ASCC3: variants seen among roughly 807,000 people sequenced by gnomAD.
ASCC3 encodes ASC-1 complex subunit P200.
A neutral mutation model predicts 256.3 loss-of-function variants in ASCC3; 158 were observed. That is an observed-to-expected ratio of 0.62 (90% CI 0.54 to 0.70). The LOEUF (loss-of-function observed/expected upper bound fraction) is 0.70, where lower values mean the gene tolerates loss of function less well. Ranked by LOEUF, ASCC3 falls within the 30% of genes least tolerant of loss-of-function variation. ASCC3 has a pLI of 0.00. For missense variants in ASCC3, 2,259 were observed against 2,626.0 expected (o/e 0.86, Z 3.05); for synonymous variants, 948 against 883.4 (o/e 1.07, Z -1.30).
At chr6:100,713,660 T>C (rs1377433792) in intron 13 of ASCC3, among the ~76,000 whole-genome samples, 1 of 152,128 alleles carries the variant, frequency 6.6e-6, no homozygotes. Flanking sequence ...AGGGAGCACA[T>C]GGAAACTCTA....
chr6:100,631,744 CA>C (rs1774556423), intron 25 of ASCC3, among the ~76,000 whole-genome samples: 1 of 151,534 alleles, frequency 6.6e-6, no homozygotes, highest in Non-Finnish European at 1.5e-5. Flanking sequence ...ATTCAGGTTT[CA>C]AAAAAATAAA....
chr6:100,679,356 G>A (rs1777177679), intron 14 of ASCC3, among the ~76,000 whole-genome samples: 1 of 152,018 alleles, frequency 6.6e-6, no homozygotes, highest in African/African-American at 2.4e-5. Context: ...AAATTTAACT[G>A]CATTTTATAT....
chr6:100,539,998 A>G (rs1440216805), intron 37 of ASCC3, among the ~76,000 whole-genome samples, 165 bp downstream of exon 37: 1 of 152,070 alleles, frequency 6.6e-6, no homozygotes, highest in East Asian at 1.9e-4. Context: ...TATTTCATTT[A>G]TATTTGCTTT....
intron 1 of ASCC3, among the ~76,000 whole-genome samples, chr6:100,869,060 G>A (rs902615331): frequency 3.3e-5 from 5 of 152,210 alleles, no homozygotes; most frequent in Admixed American, 3.3e-4. Flanking sequence ...CATAAGCTAT[G>A]TAAGTCTTTA....
intron 36 of ASCC3, among the ~76,000 whole-genome samples, chr6:100,580,937 T>C (rs1224076042): frequency 6.6e-6 from 1 of 152,170 alleles, no homozygotes; most frequent in Non-Finnish European, 1.5e-5. Flanking sequence ...CTGCATAGTA[T>C]TCCATGGTGT....
At chr6:100,511,499 A>T (rs768293635) in intron 40 of ASCC3, among the ~76,000 whole-genome samples, 2 of 152,214 alleles carry the variant, frequency 1.3e-5, no homozygotes, top group Non-Finnish European at 2.9e-5. Context: ...TGGGAGGCAG[A>T]GGCAGGTGGA....
intron 10 of ASCC3, among the ~76,000 whole-genome samples, chr6:100,736,059 C>T: frequency 6.6e-6 from 1 of 152,106 alleles, no homozygotes; most frequent in East Asian, 1.9e-4. Flanking sequence ...ATCCACAATG[C>T]CTGGAAGTGG....
chr6:100,858,281 G>T (rs1018479775), intron 3 of ASCC3: 56 of 526,822 alleles, frequency 1.1e-4, no homozygotes, highest in Non-Finnish European at 1.3e-4. Flanking sequence ...TGTGAAAAAT[G>T]GAAAAGTTTT....
chr6:100,558,280 T>G (rs1194868600), intron 36 of ASCC3, among the ~76,000 whole-genome samples: 1 of 152,126 alleles, frequency 6.6e-6, no homozygotes, highest in Non-Finnish European at 1.5e-5. Context: ...GATTGTGTGC[T>G]AAAAGTTAAA....
chr6:100,565,988 T>G (rs1770225098), intron 36 of ASCC3, among the ~76,000 whole-genome samples: 1 of 152,140 alleles, frequency 6.6e-6, no homozygotes, highest in Non-Finnish European at 1.5e-5. Context: ...GGGCTGCTCT[T>G]CTGATGGTCA....
rs1030851660 is a variant in ASCC3, at chr6:100,638,664, C to A, written c.4059G>T (p.Ser1353=). 6.2e-6 allele frequency: 10 copies of A among 1,613,830 alleles called. No individual in the cohort carries two copies. The African/African-American group carries it at 1.2e-4, about 19-fold the overall frequency. Residue 1353 remains serine, a synonymous_variant, in exon 25 of 42, where the codon TCG becomes TCT. Transcript: ENST00000369162. ...CNVLLGAPTG[S]GKTVAAELAI... Reference sequence around the variant, plus strand: ...CTAATTCAGCTGCAACAGTCTTTCCCGATCCAGTAGGTGCTCCAAGTAGGA... The same window carrying A: ...CTAATTCAGCTGCAACAGTCTTTCCAGATCCAGTAGGTGCTCCAAGTAGGA...
chr6:100,669,223 T>C (rs1776619938), intron 14 of ASCC3, among the ~76,000 whole-genome samples: 1 of 149,628 alleles, frequency 6.7e-6, no homozygotes, highest in South Asian at 2.1e-4. Flanking sequence ...TTTCTAAAAA[T>C]GTAAAGAAAT....
rs529143012 is a variant in ASCC3, at chr6:100,539,779, T to A, written c.5775+384A>T. 2.1e-3 allele frequency among the ~76,000 whole-genome samples: 325 copies of A among 152,216 alleles called. 1 individual carries two copies. Among genetic ancestry groups the A allele is most frequent in the Non-Finnish European group, 2.7e-3 (181 of 68,016 alleles). ...TTATTTTACCATTCTTTATTTTTTT[T>A]AAAAAATAGCAGTTATTGAAAAATG... On this transcript the variant is annotated intron_variant, in intron 37 of 41. Transcript: ENST00000369162.
chr6:100,782,197 G>A (rs1214738368), intron 8 of ASCC3, among the ~76,000 whole-genome samples: 1 of 152,086 alleles, frequency 6.6e-6, no homozygotes, highest in African/African-American at 2.4e-5. Context: ...ATTTCACAAA[G>A]AAGGTTATGC....
intron 1 of ASCC3, among the ~76,000 whole-genome samples, chr6:100,869,119 T>C (rs1426808266): frequency 1.3e-5 from 2 of 152,178 alleles, no homozygotes; most frequent in African/African-American, 4.8e-5. Context: ...CATCTGGCAA[T>C]ATTTTAGATA....
At position 100,606,764 on chromosome 6, in the gene ASCC3, G is replaced by T; in HGVS notation, c.5020C>A (p.Arg1674Ser). 1 of 1,606,846 alleles carries T rather than the reference G, an allele frequency of 6.2e-7. No homozygotes were observed. The highest frequency in any genetic ancestry group is 1.1e-5 in the South Asian group (1 of 88,674). The change falls in exon 32 of 42, where the codon CGT (arginine) becomes AGT (serine). Residue 1674 changes from arginine (R) to serine (S), a missense_variant. This residue lies in a region of ASCC3 where 1,839 missense variants were observed against 2,206.7 expected (regional missense o/e 0.83). Transcript: ENST00000369162. ...GTEYYDGKTRRYVDFPITDVL... is the reference protein window; with the variant it reads ...GTEYYDGKTRSYVDFPITDVL... ...CCTGTAATGGGAAAATCCACATAAC[G>T]TCTTGTTTTTCCATCATAGTATTCT...
chr6:100,746,797 T>C (rs1226733707), intron 10 of ASCC3, among the ~76,000 whole-genome samples: 1 of 152,106 alleles, frequency 6.6e-6, no homozygotes. Context: ...ACTTAACATA[T>C]AGTTATAAAA....
chr6:100,803,853 C>T (rs1770041634), intron 5 of ASCC3, among the ~76,000 whole-genome samples: 1 of 152,002 alleles, frequency 6.6e-6, no homozygotes, highest in Admixed American at 6.6e-5. Flanking sequence ...ACGTAACTTA[C>T]AAGAAGGATA....
chr6:100,642,123 C>G (rs1320347301), intron 24 of ASCC3, among the ~76,000 whole-genome samples: 2 of 151,272 alleles, frequency 1.3e-5, no homozygotes, highest in Non-Finnish European at 2.9e-5. Flanking sequence ...TGTAACAAAC[C>G]TGCACATTGT....
Sources: allele counts gnomAD v4.1 joint callset (sites outside exome capture counted in the v4.1 genomes callset), GRCh38; gene constraint gnomAD v4.1.1; regional missense constraint gnomAD v4.1.1; transcripts MANE v1.5; gene names NCBI Gene and HGNC (gene_info 2026-07-23, HGNC 2026-07-21).